GABRB1: variants seen among roughly 807,000 people sequenced by gnomAD.
GABRB1 encodes the protein gamma-aminobutyric acid type A receptor subunit beta1, also known as gamma-aminobutyric acid receptor subunit beta-1.
GABRB1 carries 17 observed loss-of-function variants against 51.6 expected under a neutral mutation model. The observed-to-expected ratio is 0.33, with a 90% CI of 0.23 to 0.49. The LOEUF (loss-of-function observed/expected upper bound fraction) is 0.49. Ranked by LOEUF, GABRB1 falls within the 20% of genes least tolerant of loss-of-function variation. The probability of loss-of-function intolerance (pLI) is 0.99; values close to 1 mark genes in which losing one functional copy is unlikely to be tolerated. For missense variants in GABRB1, 410 were observed against 600.6 expected (o/e 0.68, Z 3.32); for synonymous variants, 247 against 218.9 (o/e 1.13, Z -1.14).
At chr4:47,168,214 G>T (rs1294188321) in intron 4 of GABRB1, among the ~76,000 whole-genome samples, 1 of 152,108 alleles carries the variant, frequency 6.6e-6, no homozygotes, top group African/African-American at 2.4e-5. Context: ...ATTGTCGTAT[G>T]TCATCTTTAC....
chr4:47,126,255 T>G (rs757236927), intron 3 of GABRB1, among the ~76,000 whole-genome samples: 33 of 152,030 alleles, frequency 2.2e-4, no homozygotes, highest in Non-Finnish European at 4.4e-4. Context: ...AATAATAGAA[T>G]AGGTTTGGGC....
chr4:46,996,070 GTTT>G (rs35038999), intron 1 of GABRB1, among the ~76,000 whole-genome samples: 2 of 140,008 alleles, frequency 1.4e-5, no homozygotes, highest in Non-Finnish European at 3.1e-5. Context: ...CTAACTTGAG[GTTT>G]TTTTTTTTTT....
intron 3 of GABRB1, among the ~76,000 whole-genome samples, chr4:47,141,820 G>T (rs558601423): frequency 6.6e-6 from 1 of 152,048 alleles, no homozygotes; most frequent in South Asian, 2.1e-4. Flanking sequence ...ATCATTTCAA[G>T]AATTTGTGTT....
intron 4 of GABRB1, among the ~76,000 whole-genome samples, chr4:47,197,980 C>T (rs192344391): frequency 1.3e-5 from 2 of 152,258 alleles, no homozygotes; most frequent in Non-Finnish European, 1.5e-5. Context: ...TCAAGTCTCC[C>T]TTTTTTCCCC....
At chr4:47,362,212 A>C (rs1726833672) in intron 5 of GABRB1, among the ~76,000 whole-genome samples, 1 of 152,132 alleles carries the variant, frequency 6.6e-6, no homozygotes, top group Non-Finnish European at 1.5e-5. Context: ...AATGAGAACC[A>C]AAAACTGAAT....
At chr4:47,167,327 G>T (rs1049162829) in intron 4 of GABRB1, among the ~76,000 whole-genome samples, 6 of 151,968 alleles carry the variant, frequency 3.9e-5, no homozygotes, top group Non-Finnish European at 5.9e-5. Context: ...CTGAAACACT[G>T]TGTTTATCTT....
At chr4:47,205,144 A>G (rs1720062714) in intron 4 of GABRB1, among the ~76,000 whole-genome samples, 1 of 152,172 alleles carries the variant, frequency 6.6e-6, no homozygotes, top group African/African-American at 2.4e-5. Context: ...AATAGACTCT[A>G]CTTCTAATTC....
chr4:47,053,107 G>C (rs1726428325), intron 3 of GABRB1, among the ~76,000 whole-genome samples: 1 of 152,116 alleles, frequency 6.6e-6, no homozygotes, highest in African/African-American at 2.4e-5. Context: ...GAGGTGACAT[G>C]GTGAAGCTGA....
At chr4:47,162,899 A>G (rs954066797) in intron 4 of GABRB1, among the ~76,000 whole-genome samples, 1 of 151,882 alleles carries the variant, frequency 6.6e-6, no homozygotes, top group South Asian at 2.1e-4. Context: ...TCTATGCCCT[A>G]CTCTTTTTTC....
intron 3 of GABRB1, among the ~76,000 whole-genome samples, chr4:47,089,303 A>G (rs899663983): frequency 6.6e-5 from 10 of 152,058 alleles, no homozygotes; most frequent in African/African-American, 2.4e-4. Context: ...AATCCCCATA[A>G]TCTGCTGTTT....
intron 1 of GABRB1, among the ~76,000 whole-genome samples, chr4:47,019,765 T>C (rs931216165): frequency 6.7e-6 from 1 of 150,078 alleles, no homozygotes; most frequent in Non-Finnish European, 1.5e-5. Flanking sequence ...CAGGCTGTAG[T>C]GCAGATCTCA....
At chr4:47,261,908 T>C (rs1722454968) in intron 4 of GABRB1, among the ~76,000 whole-genome samples, 1 of 152,064 alleles carries the variant, frequency 6.6e-6, no homozygotes, top group African/African-American at 2.4e-5. Flanking sequence ...AACTATCTGA[T>C]CTTTGACAAA....
chr4:47,080,929 A>C lies in GABRB1; in HGVS notation c.240+48445A>C, dbSNP rs139213216. Among the ~76,000 whole-genome samples the C allele has an allele frequency of 2.6e-5, 4 of 152,308 alleles. No individual in the cohort carries two copies. In the East Asian group the frequency reaches 7.7e-4, roughly 29 times the overall value. On this transcript the variant is annotated intron_variant, in intron 3 of 8. Transcript: ENST00000295454. Reference sequence around the variant, plus strand: ...CTTTTTGGATAAAACTGGTCTAGCTATACTTAACAATATTGTGAAAACTAC... The same window carrying C: ...CTTTTTGGATAAAACTGGTCTAGCTCTACTTAACAATATTGTGAAAACTAC...
chr4:47,032,313 G>A, intron 2 of GABRB1, 104 bp from the exon 3 acceptor site: 6 of 1,065,828 alleles, frequency 5.6e-6, no homozygotes, highest in Non-Finnish European at 8.2e-6. Flanking sequence ...GGAGCAGGGA[G>A]GGAGCCCGTT....
intron 5 of GABRB1, among the ~76,000 whole-genome samples, chr4:47,321,696 T>C (rs1725091953): frequency 6.6e-6 from 1 of 152,210 alleles, no homozygotes; most frequent in African/African-American, 2.4e-5. Flanking sequence ...GGAACTGATA[T>C]AGAAAGAGAA....
intron 3 of GABRB1, among the ~76,000 whole-genome samples, chr4:47,073,235 T>A (rs1727414292): frequency 6.6e-6 from 1 of 152,202 alleles, no homozygotes; most frequent in Non-Finnish European, 1.5e-5. Flanking sequence ...ATAGCCCCTT[T>A]GTTACCATCC....
intron 4 of GABRB1, among the ~76,000 whole-genome samples, chr4:47,201,947 A>T (rs1344665921): frequency 1.3e-5 from 2 of 152,104 alleles, no homozygotes; most frequent in East Asian, 3.9e-4. Context: ...ATGGACGTGG[A>T]TCCCCCAACC....
intron 5 of GABRB1, among the ~76,000 whole-genome samples, chr4:47,347,132 A>G (rs1281090735): frequency 6.6e-6 from 1 of 152,056 alleles, no homozygotes; most frequent in African/African-American, 2.4e-5. Context: ...ACATAAAAAA[A>G]TTAGCCAGGT....
intron 1 of GABRB1, among the ~76,000 whole-genome samples, chr4:47,007,172 C>T (rs1724430689): frequency 6.6e-6 from 1 of 151,444 alleles, no homozygotes; most frequent in African/African-American, 2.4e-5. Flanking sequence ...AAAGAAAGTA[C>T]ATAAACTTTA....
Sources: gnomAD v4.1 joint callset for allele counts (sites outside exome capture counted in the v4.1 genomes callset) on GRCh38, gnomAD v4.1.1 for gene constraint, MANE v1.5 for transcripts, NCBI Gene and HGNC (gene_info 2026-07-23, HGNC 2026-07-21) for gene names.